The following FGFR1 variants were observed in gnomAD, a reference collection of about 807,000 sequenced individuals.
FGFR1 encodes the protein fibroblast growth factor receptor 1.
Under a neutral mutation model 93.7 loss-of-function variants are expected in FGFR1, and 18 were observed. The ratio of observed to expected loss-of-function variants is 0.19; its 90% confidence interval spans 0.13 to 0.28. The LOEUF is 0.28. Ranked by LOEUF, FGFR1 falls within the 10% of genes least tolerant of loss-of-function variation. The probability of loss-of-function intolerance (pLI) is 1.00; values close to 1 mark genes in which losing one functional copy is unlikely to be tolerated. For missense variants in FGFR1, 731 were observed against 1,080.4 expected (o/e 0.68, Z 4.53); for synonymous variants, 448 against 429.3 (o/e 1.04, Z -0.54).
At chr8:38,460,117 AG>A (rs1428925877) in intron 1 of FGFR1, among the ~76,000 whole-genome samples, 2 of 152,142 alleles carry the variant, frequency 1.3e-5, no homozygotes, top group Admixed American at 6.5e-5. Context: ...TGGGAGGTGG[AG>A]GTTGCAGTGA....
chr8:38,421,898 T>C lies in FGFR1; in HGVS notation c.980A>G (p.His327Arg). 1.2e-6 allele frequency: 2 copies of C among 1,614,052 alleles called. No individual in the cohort carries two copies. Among genetic ancestry groups the C allele is most frequent in the Non-Finnish European group, 1.7e-6 (2 of 1,180,024 alleles). The change falls in exon 8 of 18, where the codon CAC becomes CGC. Residue 327 changes from histidine (H) to arginine (R), a missense_variant. Physicochemically the swap from His to Arg is conservative, Grantham distance 29. Around this residue, in one of 10 missense-constraint regions of FGFR1, gnomAD observed 109 missense variants for 249.4 expected, o/e 0.44. Transcript: ENST00000447712. Reference protein sequence around the residue: ...NTTDKEMEVLHLRNVSFEDAG... With the variant: ...NTTDKEMEVLRLRNVSFEDAG... ...GTCCTCAAAGGAGACATTTCTTAAG[T>C]GAAGCACCTCCATCTCTTTGTCGGT...
Position 38,413,200 on chromosome 8 carries a change from T to C in FGFR1, c.*428A>G, listed in dbSNP as rs1172843293. ...CACGAAGCACTGACCTCCCTACTGC[T>C]GTAGCCCTGAGGACAAGGCACCTGC... On this transcript the variant is annotated 3_prime_UTR_variant, in exon 18 of 18. Transcript: ENST00000447712. The surrounding 1 kb of genome is among the most constrained non-coding windows in gnomAD (Gnocchi z 4.2). The C allele has an allele frequency of 7.1e-6, 2 of 280,498 alleles. No homozygotes were observed. Among genetic ancestry groups the C allele is most frequent in the East Asian group, 1.1e-4 (2 of 18,886 alleles). 17.4% of individuals were successfully genotyped at this position (280,498 alleles called of 1,614,324 possible).
At chr8:38,462,933 C>T (rs1418069735) in intron 1 of FGFR1, among the ~76,000 whole-genome samples, 6 of 120,050 alleles carry the variant, frequency 5.0e-5, no homozygotes, top group Non-Finnish European at 8.3e-5. Context: ...TAAACAGGGT[C>T]TTCCTCTGTC....
intron 1 of FGFR1, among the ~76,000 whole-genome samples, chr8:38,460,697 T>C (rs1834188484): frequency 2.6e-5 from 4 of 152,148 alleles, no homozygotes; most frequent in Admixed American, 2.0e-4. Context: ...TAAGAAAACC[T>C]GGCCTCCTGG....
rs140851973 is a variant in FGFR1 at position 38,448,904 on chromosome 8, G to A, written c.91+8452C>T. On this transcript the variant is annotated intron_variant, in intron 2 of 17. Transcript: ENST00000447712. ...TGGGAGGCAGAGGTTGCAGTGAGCC[G>A]AGATCGCGCCACTGCACTCCAGCCT... Among the ~76,000 whole-genome samples the A allele has an allele frequency of 7.3e-3, 1,110 of 152,160 alleles. 16 individuals are homozygous for A. The highest frequency in any genetic ancestry group is 0.025 in the African/African-American group (1,053 of 41,498).
intron 10 of FGFR1, 83 bp from the exon 11 acceptor site, chr8:38,418,074 A>AT: frequency 6.2e-7 from 1 of 1,609,850 alleles, no homozygotes; most frequent in East Asian, 2.2e-5. Flanking sequence ...ACCTCTCTGT[A>AT]TTTCACCCAA....
intron 2 of FGFR1, among the ~76,000 whole-genome samples, chr8:38,454,222 C>T (rs1487517775): frequency 1.3e-5 from 2 of 151,924 alleles, no homozygotes; most frequent in Non-Finnish European, 2.9e-5. Flanking sequence ...AGCACCCCCA[C>T]CCTGGCCCTA....
In FGFR1 at chr8:38,422,130, T is replaced by C. The variant is rs1819029507; in HGVS notation, c.937-189A>G. On this transcript the variant is annotated intron_variant, in intron 7 of 17. Coordinates refer to ENST00000447712, the MANE Select transcript of FGFR1 (RefSeq NM_023110.3). ...CTGTTAGAGGAAGAGGGTGAGACCC[T>C]GAGGGAAGAACTCCGGCAGACCTGA... The C allele has an allele frequency of 6.1e-6, 4 of 658,512 alleles. No individual in the cohort carries two copies. The Middle Eastern group carries it at 8.7e-4, about 143-fold the overall frequency. The allele number at this position is 658,512 out of a possible 1,614,324, so 40.8% of individuals were successfully genotyped here. A position where few individuals can be genotyped will look rare whatever the true frequency, so the allele number is the denominator to read the frequency against.
Position 38,424,253 on chromosome 8 carries a change from T to C in FGFR1, c.936+256A>G, listed in dbSNP as rs1819897676. The C allele has an allele frequency of 4.6e-6, 3 of 645,350 alleles. No individual in the cohort carries two copies. The highest frequency in any genetic ancestry group is 2.2e-5 in the Admixed American group (1 of 44,854). The allele number at this position is 645,350 out of a possible 1,614,324, so 40.0% of individuals were successfully genotyped here. ...AGCTGACCCCAAAGCCCCAGTGACG[T>C]TGCTCTCAAAGCTTATTACAGACCA... is the stretch of plus-strand genomic sequence containing the variant. On this transcript the variant is annotated intron_variant, in intron 7 of 17. Coordinates refer to ENST00000447712, the MANE Select transcript of FGFR1 (RefSeq NM_023110.3). This position sits in a 1 kb window ranked among gnomAD's most constrained non-coding sequence, Gnocchi z 4.3.
At chr8:38,466,512 C>G (rs928740772) in intron 1 of FGFR1, 3 of 231,052 alleles carry the variant, frequency 1.3e-5, no homozygotes, top group African/African-American at 6.6e-5. Flanking sequence ...ACTGCGCAAT[C>G]CAGAAAGCAC....
chr8:38,413,754 G>A lies in FGFR1; in HGVS notation c.2343C>T (p.Pro781=), dbSNP rs370615877. The change falls in exon 18 of 18, where the codon CCC becomes CCT. Residue 781 remains proline, a synonymous_variant. Transcript: ENST00000447712. This position sits in a 1 kb window ranked among gnomAD's most constrained non-coding sequence, Gnocchi z 4.2. ...MPLDQYSPSF[P]DTRSSTCSSG... is the part of the protein sequence containing the mutation. ...AGGAGCACGTAGAGCTCCGGGTGTC[G>A]GGAAAGCTGGGGGAGTACTGGTCCA... is the stretch of plus-strand genomic sequence containing the variant. 3.3e-5 allele frequency: 53 copies of A among 1,613,994 alleles called. No homozygotes were observed. Among genetic ancestry groups the A allele is most frequent in the Non-Finnish European group, 4.2e-5 (49 of 1,180,006 alleles).
intron 2 of FGFR1, among the ~76,000 whole-genome samples, chr8:38,440,632 T>C (rs1827098385): frequency 6.6e-6 from 1 of 151,058 alleles, no homozygotes; most frequent in Admixed American, 6.6e-5. Flanking sequence ...ACATTTTGCA[T>C]GCAAATGGGC....
intron 2 of FGFR1, among the ~76,000 whole-genome samples, chr8:38,439,932 T>C (rs1366436457): frequency 6.6e-6 from 1 of 152,186 alleles, no homozygotes; most frequent in Non-Finnish European, 1.5e-5. Context: ...CTCTACGTTC[T>C]ACACTCCAAA....
Position 38,415,949 on chromosome 8 carries a change from T to C in FGFR1, c.1775A>G (p.Glu592Gly), listed in dbSNP as rs751840290. The C allele has an allele frequency of 4.3e-6, 7 of 1,613,970 alleles. No individual in the cohort carries two copies. Among genetic ancestry groups the C allele is most frequent in the Admixed American group, 3.3e-5 (2 of 60,002 alleles). Reference sequence around the variant, plus strand: ...CAGGTCCTTGGAGGAGAGCTGCTCCTCTGGGTTGTGGCTGGGGTTGTAGCA... The same window carrying C: ...CAGGTCCTTGGAGGAGAGCTGCTCCCCTGGGTTGTGGCTGGGGTTGTAGCA... Reference protein sequence around the residue: ...EYCYNPSHNPEEQLSSKDLVS... With the variant: ...EYCYNPSHNPGEQLSSKDLVS... The change falls in exon 13 of 18, where the codon GAG becomes GGG. Residue 592 changes from glutamate (E) to glycine (G), a missense_variant. By Grantham distance (98) the Glu-to-Gly change is moderately conservative. This residue lies in a region of FGFR1 where 39 missense variants were observed against 39.2 expected (regional missense o/e 1.00). Transcript: ENST00000447712.
rs2150751433 is a variant in FGFR1, at chr8:38,421,787, C to T, written c.1081+10G>A. On this transcript the variant is annotated intron_variant, in intron 8 of 17. Transcript: ENST00000447712. ...GGCAGGACATCGAGAGGAGAAGTTACAGTGTGTACCTTCCAGAACGGTCAA... is the reference window on the plus strand; with the variant it reads ...GGCAGGACATCGAGAGGAGAAGTTATAGTGTGTACCTTCCAGAACGGTCAA... 1 of 1,614,074 alleles carries T rather than the reference C, an allele frequency of 6.2e-7. No homozygotes were observed. The highest frequency in any genetic ancestry group is 8.5e-7 in the Non-Finnish European group (1 of 1,179,960).
intron 2 of FGFR1, among the ~76,000 whole-genome samples, chr8:38,442,444 C>T (rs1202016387): frequency 2.6e-5 from 4 of 151,150 alleles, no homozygotes; most frequent in Non-Finnish European, 4.4e-5. Context: ...ACCACTGGCC[C>T]GGAGCCCAGG....
chr8:38,466,531 C>T (rs1213935076), intron 1 of FGFR1: 1 of 230,912 alleles, frequency 4.3e-6, no homozygotes, highest in Non-Finnish European at 8.6e-6. Flanking sequence ...ACCCGGACCG[C>T]CGCCACCCAC....
At chr8:38,460,639 C>G (rs1834168804) in intron 1 of FGFR1, among the ~76,000 whole-genome samples, 1 of 152,202 alleles carries the variant, frequency 6.6e-6, no homozygotes, top group South Asian at 2.1e-4. Context: ...GTCTCTTCCT[C>G]TCCTACCCCT....
chr8:38,414,311 C>T (rs2150539039), intron 15 of FGFR1, 22 bp from the exon 16 acceptor site: 1 of 1,614,140 alleles, frequency 6.2e-7, no homozygotes. Context: ...CGGAGAGCCA[C>T]AGGGTGTTAG....
Sources: gnomAD v4.1 joint callset for allele counts (sites outside exome capture counted in the v4.1 genomes callset) on GRCh38, gnomAD v4.1.1 for gene constraint, gnomAD v4.1.1 regional missense constraint, Gnocchi (gnomAD v3.1) non-coding constraint, MANE v1.5 for transcripts, NCBI Gene and HGNC (gene_info 2026-07-23, HGNC 2026-07-21) for gene names.